Variants in FOXP2 observed in about 807,000 individuals in gnomAD.
The protein encoded by FOXP2 is forkhead box protein P2.
A neutral mutation model predicts 115.8 loss-of-function variants in FOXP2; 12 were observed. The observed-to-expected ratio is 0.10, with a 90% CI of 0.07 to 0.17. The LOEUF is 0.17. Ranked by LOEUF, FOXP2 falls within the 10% of genes least tolerant of loss-of-function variation. The probability of loss-of-function intolerance (pLI) is 1.00; values close to 1 mark genes in which losing one functional copy is unlikely to be tolerated. For missense variants in FOXP2, 629 were observed against 843.5 expected, an observed-to-expected ratio of 0.75 and a Z score of 3.15; for synonymous variants, 328 against 297.7, an observed-to-expected ratio of 1.10 and a Z score of -1.05.
chr7:114,455,895 T>A (rs1016096619), intron 2 of FOXP2, among the ~76,000 whole-genome samples: 5 of 152,110 alleles, frequency 3.3e-5, no homozygotes, highest in African/African-American at 1.2e-4. Flanking sequence ...CCATGCTACC[T>A]TGAATTGTGT....
At chr7:114,162,972 G>A (rs1459047045), upstream of FOXP2, 1 of 152,084 alleles carries the variant, frequency 6.6e-6, no homozygotes, top group African/African-American at 2.4e-5. Context: ...GTCTGTTGAA[G>A]CTTTGTCCTG....
chr7:114,398,157 T>A (rs1399440775), intron 2 of FOXP2, among the ~76,000 whole-genome samples: 2 of 152,128 alleles, frequency 1.3e-5, no homozygotes, highest in Non-Finnish European at 2.9e-5. Flanking sequence ...AGGGTTAGAT[T>A]TTCAATAAGT....
At chr7:114,274,029 G>T (rs972860917) in intron 1 of FOXP2, among the ~76,000 whole-genome samples, 1 of 151,482 alleles carries the variant, frequency 6.6e-6, no homozygotes, top group Non-Finnish European at 1.5e-5. Flanking sequence ...TGCCTTTTGT[G>T]ATTTTAAAGA....
chr7:114,118,099 C>A (rs1350684949), intron 1 of FOXP2, among the ~76,000 whole-genome samples: 1 of 152,120 alleles, frequency 6.6e-6, no homozygotes, highest in Non-Finnish European at 1.5e-5. Flanking sequence ...GTAGAGTCTT[C>A]TTTCCACCAT....
chr7:114,492,289 G>A (rs370810159), intron 2 of FOXP2, among the ~76,000 whole-genome samples: 3 of 151,974 alleles, frequency 2.0e-5, no homozygotes, highest in Admixed American at 2.0e-4. Context: ...GCGTGTATTT[G>A]ATTCTTCTCT....
intron 1 of FOXP2, among the ~76,000 whole-genome samples, chr7:114,164,952 C>T (rs900216507): frequency 1.4e-5 from 2 of 140,084 alleles, no homozygotes; most frequent in African/African-American, 5.3e-5. Flanking sequence ...AGTGGAAAAC[C>T]TCTACCCCCC....
intron 16 of FOXP2, chr7:114,666,108 G>C (rs1807148652): frequency 6.6e-6 from 1 of 151,918 alleles, no homozygotes; most frequent in Admixed American, 6.6e-5. Flanking sequence ...GTATATTGCT[G>C]CTATGGGTTT....
upstream of FOXP2, among the ~76,000 whole-genome samples, chr7:114,158,251 G>A (rs544383217): frequency 6.6e-5 from 10 of 152,214 alleles, no homozygotes; most frequent in South Asian, 2.1e-3. Flanking sequence ...AAAACATGTT[G>A]TACTTGGTTG....
intron 7 of FOXP2, 66 bp from the exon 8 acceptor site, chr7:114,644,619 G>C: frequency 7.4e-7 from 1 of 1,345,554 alleles, no homozygotes; most frequent in South Asian, 1.2e-5. Context: ...AACCTGACAG[G>C]CGCTAGCAGC....
intron 16 of FOXP2, among the ~76,000 whole-genome samples, chr7:114,686,590 A>G (rs1381093377): frequency 6.6e-6 from 1 of 152,282 alleles, no homozygotes; most frequent in East Asian, 1.9e-4. Flanking sequence ...CTTCAGTTTC[A>G]AATTTTGTCT....
At chr7:114,159,953 T>C (rs887811360), upstream of FOXP2, among the ~76,000 whole-genome samples, 3 of 152,156 alleles carry the variant, frequency 2.0e-5, no homozygotes, top group African/African-American at 4.8e-5. Flanking sequence ...AAGTGTATGA[T>C]TTAATGCTAA....
At chr7:114,175,262 A>G (rs1793258413) in intron 1 of FOXP2, among the ~76,000 whole-genome samples, 1 of 152,104 alleles carries the variant, frequency 6.6e-6, no homozygotes, top group Non-Finnish European at 1.5e-5. Context: ...AAGTCCACTT[A>G]TGTGTTAAGG....
intron 1 of FOXP2, among the ~76,000 whole-genome samples, chr7:114,089,638 A>G (rs2071622818): frequency 6.6e-6 from 1 of 151,898 alleles, no homozygotes; most frequent in South Asian, 2.1e-4. Flanking sequence ...CACTTCTTAT[A>G]TTGCAGTGGC....
rs1793287459 is a variant in FOXP2, at chr7:114,415,304, T to G, written c.-67T>G. 2.2e-6 allele frequency: 1 copy of G among 453,582 alleles called. No individual in the cohort carries two copies. Among genetic ancestry groups the G allele is most frequent in the African/African-American group, 2.0e-5 (1 of 50,012 alleles). The allele number at this position is 453,582 out of a possible 1,614,324, so 28.1% of individuals were successfully genotyped here. A position where few individuals can be genotyped will look rare whatever the true frequency, so the allele number is the denominator to read the frequency against. On this transcript the variant is annotated 5_prime_UTR_variant, in exon 1 of 17. Coordinates refer to ENST00000350908, the MANE Select transcript of FOXP2 (RefSeq NM_014491.4). ...TGAATCTTCCTAATTTTTCATCTCT[T>G]TAACAAACTCCTATGAAGTTGAAAC...
At chr7:114,609,419 G>C (rs1006678857) in intron 3 of FOXP2, among the ~76,000 whole-genome samples, 6 of 152,080 alleles carry the variant, frequency 3.9e-5, no homozygotes, top group African/African-American at 1.4e-4. Flanking sequence ...AGTGTATAAA[G>C]AAATGAGAAA....
At chr7:114,408,717 A>T (rs569573248) in intron 2 of FOXP2, among the ~76,000 whole-genome samples, 3 of 151,954 alleles carry the variant, frequency 2.0e-5, no homozygotes, top group Non-Finnish European at 2.9e-5. Flanking sequence ...ACAGAGCTAG[A>T]CTCCCTCTCA....
chr7:114,342,835 T>G (rs1432735787), intron 2 of FOXP2, among the ~76,000 whole-genome samples: 1 of 151,556 alleles, frequency 6.6e-6, no homozygotes, highest in Non-Finnish European at 1.5e-5. Flanking sequence ...TAATGAACTA[T>G]GCAGTCATAA....
At chr7:114,643,532 TTATTAA>T (rs1485998747) in intron 7 of FOXP2, among the ~76,000 whole-genome samples, 1 of 152,202 alleles carries the variant, frequency 6.6e-6, no homozygotes, top group African/African-American at 2.4e-5. Context: ...TTTATTTCAG[TTATTAA>T]TATTAAATGT....
Position 114,629,995 on chromosome 7 carries a change from A to T in FOXP2, c.587A>T (p.Gln196Leu). ...CAGCAGCAACAGCATCCTGGAAAGC[A>T]AGCGAAAGAGGTAGGATCCGGTTAT... ...QQQQQQHPGK[Q>L]AKEQQQQQQQ... Residue 196 changes from glutamine (Q) to leucine (L), a missense_variant, in exon 5 of 17, where the codon CAA becomes CTA. Gln to Leu is a moderately radical substitution (Grantham distance 113). Coordinates refer to ENST00000350908, the MANE Select transcript of FOXP2 (RefSeq NM_014491.4). 1 of 1,611,726 alleles carries T rather than the reference A, an allele frequency of 6.2e-7. No homozygotes were observed. Among genetic ancestry groups the T allele is most frequent in the Non-Finnish European group, 8.5e-7 (1 of 1,179,994 alleles).
Sources: gnomAD v4.1 joint callset for allele counts (sites outside exome capture counted in the v4.1 genomes callset) on GRCh38, gnomAD v4.1.1 for gene constraint, MANE v1.5 for transcripts, NCBI Gene and HGNC (gene_info 2026-07-23, HGNC 2026-07-21) for gene names.